DENND5A: variants seen among roughly 807,000 people sequenced by gnomAD.
DENND5A encodes the protein DENN domain containing 5A.
Under a neutral mutation model 140.3 loss-of-function variants are expected in DENND5A, and 64 were observed. That is an observed-to-expected ratio of 0.46 (90% CI 0.37 to 0.56). The LOEUF is 0.56. Ranked by LOEUF, DENND5A falls within the 20% of genes least tolerant of loss-of-function variation. The probability of loss-of-function intolerance (pLI) is 0.00; values close to 1 mark genes in which losing one functional copy is unlikely to be tolerated. For missense variants in DENND5A, 1,292 were observed against 1,593.8 expected, an observed-to-expected ratio of 0.81 and a Z score of 3.22; for synonymous variants, 605 against 607.7, an observed-to-expected ratio of 1.00 and a Z score of 0.07.
At chr11:9,243,575 C>T (rs1448246124) in intron 1 of DENND5A, among the ~76,000 whole-genome samples, 4 of 152,132 alleles carry the variant, frequency 2.6e-5, no homozygotes, top group African/African-American at 4.8e-5. Context: ...TCCACTTCCA[C>T]TTCCTGAAGG....
chr11:9,152,235 A>G, intron 13 of DENND5A, 123 bp downstream of exon 13: 1 of 776,876 alleles, frequency 1.3e-6, no homozygotes, highest in Non-Finnish European at 2.3e-6. Context: ...CCATATTTAA[A>G]AGAGAAAACA....
rs1470652311 is a variant in DENND5A at position 9,206,730 on chromosome 11, A to G, written c.234T>C (p.Leu78=). The G allele has an allele frequency of 6.8e-6, 11 of 1,614,002 alleles. No homozygotes were observed. Among genetic ancestry groups the G allele is most frequent in the Non-Finnish European group, 9.3e-6 (11 of 1,179,932 alleles). The change falls in exon 3 of 23, where the codon CTT becomes CTC. Residue 78 remains leucine, a synonymous_variant. Transcript: ENST00000328194. The part of the protein sequence containing the change: ...PLRRTFKSKV[L]ARYPENVEWN... ...ATTCTACGTTCTCAGGATATCGTGC[A>G]AGGACCTTAGATTTGAATGTTCTTC...
intron 1 of DENND5A, among the ~76,000 whole-genome samples, chr11:9,235,829 G>A (rs766744326): frequency 9.2e-5 from 14 of 152,170 alleles, no homozygotes; most frequent in South Asian, 2.1e-4. Flanking sequence ...ACAAGGAAAT[G>A]AGAAGTAACT....
chr11:9,174,236 G>A (rs1398190148), intron 8 of DENND5A, among the ~76,000 whole-genome samples: 1 of 151,434 alleles, frequency 6.6e-6, no homozygotes, highest in Non-Finnish European at 1.5e-5. Flanking sequence ...AAAATGACAG[G>A]CTTAAACCCA....
rs145040475 is a variant in DENND5A at position 9,254,026 on chromosome 11, C to T, written c.109+10935G>A. Reference sequence around the variant, plus strand: ...TACAAATTAGCCAGGCATGGTGGCGCATGCCTATAATCCCAGCTACTCAGG... The same window carrying T: ...TACAAATTAGCCAGGCATGGTGGCGTATGCCTATAATCCCAGCTACTCAGG... On this transcript the variant is annotated intron_variant, in intron 1 of 22. Coordinates refer to ENST00000328194, the MANE Select transcript of DENND5A (RefSeq NM_015213.4). 7.2e-4 allele frequency among the ~76,000 whole-genome samples: 109 copies of T among 152,124 alleles called. No homozygotes were observed. The East Asian group carries it at 0.019, about 27-fold the overall frequency.
At chr11:9,185,806 T>C (rs1366856059) in intron 5 of DENND5A, among the ~76,000 whole-genome samples, 1 of 152,110 alleles carries the variant, frequency 6.6e-6, no homozygotes, top group Non-Finnish European at 1.5e-5. Context: ...TCTGTGTCTT[T>C]GTGCCTCTGT....
chr11:9,261,649 G>A (rs1357960529), intron 1 of DENND5A, among the ~76,000 whole-genome samples: 5 of 151,830 alleles, frequency 3.3e-5, no homozygotes, highest in African/African-American at 9.7e-5. Context: ...GTGGTGGCAC[G>A]CGCGGCTCAT....
intron 1 of DENND5A, among the ~76,000 whole-genome samples, chr11:9,259,369 T>C (rs1238117541): frequency 6.8e-6 from 1 of 148,124 alleles, no homozygotes. Flanking sequence ...CCATCCTGGC[T>C]AACACGGTGA....
chr11:9,165,795 C>T (rs764654955), intron 11 of DENND5A, 41 bp downstream of exon 11: 4 of 1,610,048 alleles, frequency 2.5e-6, no homozygotes, highest in Admixed American at 3.3e-5. Context: ...ACCTTGGCTG[C>T]TAACAGAAAT....
At chr11:9,212,891 G>A (rs994252632) in intron 1 of DENND5A, among the ~76,000 whole-genome samples, 1 of 152,032 alleles carries the variant, frequency 6.6e-6, no homozygotes, top group African/African-American at 2.4e-5. Flanking sequence ...GGGTGGTTGT[G>A]GGGAGAGGAA....
intron 12 of DENND5A, among the ~76,000 whole-genome samples, chr11:9,159,633 T>C (rs2136137698): frequency 6.6e-6 from 1 of 152,356 alleles, no homozygotes; most frequent in South Asian, 2.1e-4. Context: ...TGAACATTTG[T>C]ATACAAGTTT....
At chr11:9,151,565 C>T (rs1179615878) in intron 13 of DENND5A, among the ~76,000 whole-genome samples, 1 of 152,172 alleles carries the variant, frequency 6.6e-6, no homozygotes, top group African/African-American at 2.4e-5. Context: ...CATCTTTTTA[C>T]CCCATTTAAC....
intron 5 of DENND5A, among the ~76,000 whole-genome samples, chr11:9,182,747 A>G (rs1389138325): frequency 6.6e-6 from 1 of 152,210 alleles, no homozygotes; most frequent in African/African-American, 2.4e-5. Context: ...AGTGGTTACC[A>G]GAGACTGGGA....
intron 1 of DENND5A, among the ~76,000 whole-genome samples, chr11:9,225,362 A>T (rs1850486077): frequency 6.6e-6 from 1 of 152,224 alleles, no homozygotes; most frequent in South Asian, 2.1e-4. Context: ...GAATCCAAAA[A>T]TGGTAGCTCA....
intron 5 of DENND5A, among the ~76,000 whole-genome samples, chr11:9,182,209 G>C (rs1011222899): frequency 6.6e-6 from 1 of 152,092 alleles, no homozygotes; most frequent in African/African-American, 2.4e-5. Flanking sequence ...CCAGCTACTC[G>C]GGAGGCTGAG....
At chr11:9,247,163 GA>G (rs1266586367) in intron 1 of DENND5A, among the ~76,000 whole-genome samples, 9 of 151,624 alleles carry the variant, frequency 5.9e-5, no homozygotes, top group Admixed American at 5.9e-4. Context: ...CCGGGAGGCG[GA>G]GCTTGCAGTG....
intron 17 of DENND5A, chr11:9,145,372 T>C: frequency 1.7e-6 from 1 of 581,412 alleles, no homozygotes; most frequent in East Asian, 2.8e-5. Context: ...CTGAGGTCTC[T>C]GGGAACAGGT....
chr11:9,249,214 C>T (rs984401447), intron 1 of DENND5A, among the ~76,000 whole-genome samples: 1 of 150,920 alleles, frequency 6.6e-6, no homozygotes, highest in African/African-American at 2.4e-5. Context: ...GGAGACAGAG[C>T]GAGACTCCGA....
chr11:9,242,170 C>G (rs2136274632), intron 1 of DENND5A, among the ~76,000 whole-genome samples: 1 of 152,186 alleles, frequency 6.6e-6, no homozygotes, highest in East Asian at 1.9e-4. Flanking sequence ...CAATGTCTCC[C>G]TCCACTAAAA....
Sources: gnomAD v4.1 joint callset for allele counts (sites outside exome capture counted in the v4.1 genomes callset) on GRCh38, gnomAD v4.1.1 for gene constraint, MANE v1.5 for transcripts, NCBI Gene and HGNC (gene_info 2026-07-23, HGNC 2026-07-21) for gene names.